Variants in ABCC8 observed in about 807,000 individuals in gnomAD.
ABCC8 encodes the protein ATP-binding cassette sub-family C member 8.
A neutral mutation model predicts 188.0 loss-of-function variants in ABCC8; 137 were observed. The ratio of observed to expected loss-of-function variants is 0.73; its 90% CI spans 0.63 to 0.84. The LOEUF is 0.84. Among genes scored for constraint, ABCC8 ranks in the 40% least tolerant of loss-of-function variants. The probability of loss-of-function intolerance (pLI) is 0.00; values close to 1 mark genes in which losing one functional copy is unlikely to be tolerated. For synonymous variants in ABCC8, 797 were observed against 846.5 expected, an observed-to-expected ratio of 0.94 and a Z score of 1.01; for missense variants, 1,750 against 2,072.7, an observed-to-expected ratio of 0.84 and a Z score of 3.02.
At position 17,395,294 on chromosome 11, in the gene ABCC8, GC is replaced by G; in HGVS notation, c.4308-20del. 2 of 1,563,718 alleles carry G rather than the reference GC, an allele frequency of 1.3e-6. No homozygotes were observed. Among genetic ancestry groups the G allele is most frequent in the Non-Finnish European group, 1.7e-6 (2 of 1,152,648 alleles). ...GTTAAATCTGGAAGTGGCACAGAAA[GC>G]CCCAGTAGGGAGGGAGCAGGGTCCT... On this transcript the variant is annotated intron_variant, in intron 35 of 38. Coordinates refer to ENST00000389817, the MANE Select transcript of ABCC8 (RefSeq NM_000352.6).
At chr11:17,449,603 A>G (rs1956680617) in intron 7 of ABCC8, among the ~76,000 whole-genome samples, 1 of 152,228 alleles carries the variant, frequency 6.6e-6, no homozygotes, top group Non-Finnish European at 1.5e-5. Context: ...CATGACTCGC[A>G]GAAAGACTGC....
chr11:17,397,940 A>G (rs902781435), intron 30 of ABCC8, 143 bp from the exon 31 acceptor site: 2 of 1,488,176 alleles, frequency 1.3e-6, no homozygotes, highest in African/African-American at 2.8e-5. Context: ...CACCAGACAC[A>G]CACAAGGGCT....
intron 2 of ABCC8, among the ~76,000 whole-genome samples, chr11:17,472,972 A>T (rs752845651): frequency 1.3e-5 from 2 of 152,196 alleles, no homozygotes; most frequent in South Asian, 2.1e-4. Context: ...CTGCCCAGGG[A>T]TCTTCAAAAC....
chr11:17,466,842 T>A (rs187156726), intron 3 of ABCC8, among the ~76,000 whole-genome samples: 1 of 152,140 alleles, frequency 6.6e-6, no homozygotes, highest in African/African-American at 2.4e-5. Flanking sequence ...ATTTTTATGT[T>A]TTTTGTAGAG....
intron 8 of ABCC8, 188 bp downstream of exon 8, chr11:17,448,328 T>C (rs1956618932): frequency 3.2e-6 from 2 of 626,390 alleles, no homozygotes; most frequent in African/African-American, 1.8e-5. Flanking sequence ...TTAAGAGAGA[T>C]GGTCAGTGCT....
At chr11:17,432,272 A>G in intron 10 of ABCC8, 28 bp from the exon 11 acceptor site, 1 of 1,551,882 alleles carries the variant, frequency 6.4e-7, no homozygotes, top group Non-Finnish European at 8.7e-7. Flanking sequence ...GGAGGCGTTT[A>G]GTGGGAGGAG....
downstream of ABCC8, chr11:17,392,839 C>T (rs1953695678): frequency 4.4e-6 from 4 of 899,282 alleles, no homozygotes; most frequent in African/African-American, 1.6e-5. Context: ...TCTACTGAAC[C>T]CACCATCCAC....
chr11:17,462,668 T>C (rs1847896584), intron 4 of ABCC8, among the ~76,000 whole-genome samples: 1 of 152,242 alleles, frequency 6.6e-6, no homozygotes, highest in Non-Finnish European at 1.5e-5. Context: ...GAGAAATAGC[T>C]GAACACATTA....
At chr11:17,475,786 T>A (rs1463008190) in intron 1 of ABCC8, among the ~76,000 whole-genome samples, 1 of 152,210 alleles carries the variant, frequency 6.6e-6, no homozygotes, top group East Asian at 1.9e-4. Context: ...AATTTTAAGA[T>A]TTGCTTGTTT....
rs374602183 is a variant in ABCC8 at position 17,396,976 on chromosome 11, G to A, written c.4059C>T (p.Tyr1353=). ...KIQIQNLSVR[Y]DSSLKPVLKH... is the part of the protein sequence containing the mutation. ...TCAGCACCGGCTTCAGGGAGCTGTC[G>A]TAGCGCACGCTCAGGTTCTGGATCT... is the stretch of plus-strand genomic sequence containing the variant. The change falls in exon 33 of 39, where the codon TAC becomes TAT. Residue 1353 remains tyrosine, a synonymous_variant. Transcript: ENST00000389817. 29 of 1,614,110 alleles carry A rather than the reference G, an allele frequency of 1.8e-5. No individual in the cohort carries two copies. In the African/African-American group the frequency reaches 2.5e-4, roughly 14 times the overall value.
At chr11:17,400,834 A>C (rs1462784290) in intron 29 of ABCC8, among the ~76,000 whole-genome samples, 1 of 152,234 alleles carries the variant, frequency 6.6e-6, no homozygotes. Flanking sequence ...GATTAAATGT[A>C]ATAATGCACA....
chr11:17,413,674 C>T (rs895153724), intron 19 of ABCC8, 196 bp from the exon 20 acceptor site: 1 of 1,065,962 alleles, frequency 9.4e-7, no homozygotes, highest in Non-Finnish European at 1.4e-6. Flanking sequence ...AGCGTTTGGG[C>T]AGGTTAAATA....
chr11:17,427,920 C>G lies in ABCC8; in HGVS notation c.2063G>C (p.Trp688Ser). 1.9e-6 allele frequency: 3 copies of G among 1,613,968 alleles called. No homozygotes were observed. The highest frequency in any genetic ancestry group is 2.5e-6 in the Non-Finnish European group (3 of 1,179,944). ...CVQIMGGYFT[W>S]TPDGIPTLSN... ...CAGTGTGGGGATTCCATCTGGGGTC[C>G]ACGTGAAGTAGCCTCCCATGATCTT... The change falls in exon 15 of 39, where the codon TGG becomes TCG. Residue 688 changes from tryptophan to serine, a missense_variant. Physicochemically the swap from Trp to Ser is radical, Grantham distance 177 (BLOSUM62 -3). Coordinates refer to ENST00000389817, the MANE Select transcript of ABCC8 (RefSeq NM_000352.6). The surrounding 1 kb of genome is among the most constrained non-coding windows in gnomAD (Gnocchi z 5.0).
chr11:17,407,916 C>T (rs1283140277), intron 23 of ABCC8, among the ~76,000 whole-genome samples: 1 of 152,060 alleles, frequency 6.6e-6, no homozygotes, highest in Non-Finnish European at 1.5e-5. Flanking sequence ...TGCTGGTGGC[C>T]CTCACTGATA....
At chr11:17,421,034 CG>C (rs1035640691) in intron 16 of ABCC8, among the ~76,000 whole-genome samples, 3 of 152,160 alleles carry the variant, frequency 2.0e-5, no homozygotes, top group Non-Finnish European at 4.4e-5. Flanking sequence ...GGGACAAGCT[CG>C]GGGCTGCATC....
At position 17,444,192 on chromosome 11, in the gene ABCC8, A is replaced by G. The variant is rs554220525; in HGVS notation, c.1333-880T>C. 2.0e-5 allele frequency: 3 copies of G among 152,290 alleles called. No individual in the cohort carries two copies. The South Asian group carries it at 6.2e-4, about 32-fold the overall frequency. 9.4% of individuals were successfully genotyped at this position (152,290 alleles called of 1,614,324 possible). A position where few individuals can be genotyped will look rare whatever the true frequency, so the allele number is the denominator to read the frequency against. ...CTTAGGAGGTATCTTAGAGGCTGGG[A>G]AGTGGCCCCTTCACCACCTGCCTCC... On this transcript the variant is annotated intron_variant, in intron 8 of 38. Coordinates refer to ENST00000389817, the MANE Select transcript of ABCC8 (RefSeq NM_000352.6).
chr11:17,416,788 G>T, intron 17 of ABCC8, 142 bp downstream of exon 17: 1 of 1,297,518 alleles, frequency 7.7e-7, no homozygotes, highest in Non-Finnish European at 1.1e-6. Context: ...GAGAATGCAG[G>T]CCTTAGCCCC....
chr11:17,406,585 T>G (rs1447613717), intron 26 of ABCC8, 37 bp downstream of exon 26: 16 of 1,585,798 alleles, frequency 1.0e-5, no homozygotes, highest in Non-Finnish European at 1.2e-5. Context: ...AACAGTGACT[T>G]GCTCACAGTC....
chr11:17,446,071 T>G (rs1956517656), intron 8 of ABCC8, among the ~76,000 whole-genome samples: 1 of 151,368 alleles, frequency 6.6e-6, no homozygotes, highest in Admixed American at 6.6e-5. Flanking sequence ...GCTCAAGCAA[T>G]TCTCCTGTCT....
Sources: allele counts gnomAD v4.1 joint callset (sites outside exome capture counted in the v4.1 genomes callset), GRCh38; gene constraint gnomAD v4.1.1; non-coding constraint Gnocchi (gnomAD v3.1); transcripts MANE v1.5; gene names NCBI Gene and HGNC (gene_info 2026-07-23, HGNC 2026-07-21).